Variants in F11R observed in about 807,000 individuals in gnomAD.
F11R encodes junctional adhesion molecule A.
F11R carries 27 observed loss-of-function variants against 39.3 expected under a neutral mutation model. The ratio of observed to expected loss-of-function variants is 0.69; its 90% CI spans 0.51 to 0.95. The LOEUF (loss-of-function observed/expected upper bound fraction) is 0.95. F11R is among the 40% of genes least tolerant of loss of function. The pLI, the probability that F11R is intolerant of heterozygous loss-of-function variation, is 0.00. For missense variants in F11R, 335 were observed against 372.7 expected (o/e 0.90, Z 0.83); for synonymous variants, 131 against 144.9 (o/e 0.90, Z 0.69).
Position 160,998,472 on chromosome 1 carries a change from A to C in F11R, c.*399T>G. ...TGGCCCTGGTCGTCAGTACACAAGGAAAGAGCCCAGAACCAAGCTCAAGAT... is the reference window on the plus strand; with the variant it reads ...TGGCCCTGGTCGTCAGTACACAAGGCAAGAGCCCAGAACCAAGCTCAAGAT... On this transcript the variant is annotated 3_prime_UTR_variant, in exon 10 of 10. Coordinates refer to ENST00000368026, the MANE Select transcript of F11R (RefSeq NM_016946.6). 3.2e-6 allele frequency: 1 copy of C among 312,744 alleles called. No homozygotes were observed. The highest frequency in any genetic ancestry group is 4.5e-5 in the South Asian group (1 of 22,178). The allele number at this position is 312,744 out of a possible 1,614,324, so 19.4% of individuals were successfully genotyped here. A position where few individuals can be genotyped will look rare whatever the true frequency, so the allele number is the denominator to read the frequency against.
chr1:161,015,403 A>ATATATATAT (rs1395106436), intron 1 of F11R, among the ~76,000 whole-genome samples: 4 of 132,996 alleles, frequency 3.0e-5, no homozygotes, highest in African/African-American at 1.2e-4. Context: ...ATCTCAAAAA[A>ATATATATAT]AAAAATATAT....
At position 161,009,713 on chromosome 1, in the gene F11R, A is replaced by G. The variant is rs1434746041; in HGVS notation, c.65-8360T>C. Among the ~76,000 whole-genome samples the G allele has an allele frequency of 3.7e-4, 56 of 152,102 alleles. No homozygotes were observed. In the East Asian group the frequency reaches 0.011, roughly 29 times the overall value. Reference sequence around the variant, plus strand: ...CCGGGTGCGGTGGCTCACGCCTATAATCCCAGCACTTTGGGAGGCCGATGT... The same window carrying G: ...CCGGGTGCGGTGGCTCACGCCTATAGTCCCAGCACTTTGGGAGGCCGATGT... On this transcript the variant is annotated intron_variant, in intron 1 of 9. Coordinates refer to ENST00000368026, the MANE Select transcript of F11R (RefSeq NM_016946.6).
intron 1 of F11R, among the ~76,000 whole-genome samples, chr1:161,012,600 T>TTTTTTTTA (rs1553211045): frequency 8.3e-5 from 12 of 144,174 alleles, no homozygotes; most frequent in African/African-American, 1.5e-4. Flanking sequence ...AATTAATTAA[T>TTTTTTTTA]TTTATTTATT....
At chr1:161,003,507 C>T (rs1341894245) in intron 1 of F11R, among the ~76,000 whole-genome samples, 2 of 152,114 alleles carry the variant, frequency 1.3e-5, no homozygotes, top group Admixed American at 6.5e-5. Flanking sequence ...AAGTGATCTG[C>T]CCGCTGCAGC....
At chr1:161,005,960 G>A (rs1414634289) in intron 1 of F11R, among the ~76,000 whole-genome samples, 2 of 151,940 alleles carry the variant, frequency 1.3e-5, no homozygotes, top group East Asian at 1.9e-4. Context: ...CCAATATGGC[G>A]AAACCCCATC....
intron 1 of F11R, among the ~76,000 whole-genome samples, chr1:161,017,970 A>G (rs1405552573): frequency 2.0e-5 from 3 of 152,122 alleles, no homozygotes; most frequent in African/African-American, 7.2e-5. Context: ...TACCACACTC[A>G]AGGAAGGGCA....
At chr1:161,000,509 C>T in intron 4 of F11R, 122 bp downstream of exon 4, 1 of 1,474,682 alleles carries the variant, frequency 6.8e-7, no homozygotes, top group Non-Finnish European at 9.3e-7. Flanking sequence ...TCTCTGGCAG[C>T]TCCAGGACTC....
chr1:161,013,334 T>C (rs1649274835), intron 1 of F11R, among the ~76,000 whole-genome samples: 1 of 152,296 alleles, frequency 6.6e-6, no homozygotes, highest in Non-Finnish European at 1.5e-5. Flanking sequence ...AGCTACAGCA[T>C]ACCCAGTTTA....
At position 161,021,034 on chromosome 1, in the gene F11R, G is replaced by C. The variant is rs762788359; in HGVS notation, c.40C>G (p.Leu14Val). The C allele has an allele frequency of 3.7e-6, 6 of 1,614,030 alleles. No homozygotes were observed. Among genetic ancestry groups the C allele is most frequent in the Non-Finnish European group, 5.1e-6 (6 of 1,179,908 alleles). The change falls in exon 1 of 10, where the codon CTC becomes GTC. Residue 14 changes from leucine (L) to valine (V), a missense_variant. Coordinates refer to ENST00000368026, the MANE Select transcript of F11R (RefSeq NM_016946.6). Reference protein sequence around the residue: ...KAQVERKLLCLFILAILLCSL... With the variant: ...KAQVERKLLCVFILAILLCSL... ...CACAACAGGATCGCCAATATGAAGA[G>C]GCACAACAGTTTCCTCTCGACTTGC...
At chr1:161,015,127 T>C (rs1649382623) in intron 1 of F11R, among the ~76,000 whole-genome samples, 2 of 145,272 alleles carry the variant, frequency 1.4e-5, no homozygotes, top group African/African-American at 5.1e-5. Flanking sequence ...CTGGGCACAG[T>C]GGCTCATGCC....
intron 1 of F11R, 126 bp downstream of exon 1, chr1:161,020,884 T>C: frequency 5.9e-6 from 5 of 844,306 alleles, no homozygotes; most frequent in Non-Finnish European, 1.0e-5. Flanking sequence ...GTGGAAAAGA[T>C]AATTCGCAGA....
At chr1:161,020,725 T>C (rs1229366845) in intron 1 of F11R, among the ~76,000 whole-genome samples, 1 of 152,034 alleles carries the variant, frequency 6.6e-6, no homozygotes, top group Non-Finnish European at 1.5e-5. Flanking sequence ...CCCTCTCCAG[T>C]GAGGACGAGG....
At chr1:161,015,606 G>A (rs1571022256) in intron 1 of F11R, among the ~76,000 whole-genome samples, 2 of 144,292 alleles carry the variant, frequency 1.4e-5, no homozygotes, top group Admixed American at 7.0e-5. Flanking sequence ...AAAAAAAAAA[G>A]GCTGCAGTGA....
Position 161,001,042 on chromosome 1 carries a change from A to G in F11R, c.219T>C (p.Val73=), listed in dbSNP as rs375890590. 3.5e-5 allele frequency: 56 copies of G among 1,614,156 alleles called. No individual in the cohort carries two copies. Among genetic ancestry groups the G allele is most frequent in the Non-Finnish European group, 4.6e-5 (54 of 1,180,000 alleles). Residue 73 remains valine, a synonymous_variant, in exon 3 of 10, where the codon GTT becomes GTC. Transcript: ENST00000368026. ...KFDQGDTTRL[V]CYNNKITASY... ...CACCTGTGATCTTGTTATTATAGCA[A>G]ACGAGTCTGGTGGTGTCTCCTTGGT...
rs913726193 is a variant in F11R at position 160,998,415 on chromosome 1, G to A, written c.*456C>T. 2 of 202,786 alleles carry A rather than the reference G, an allele frequency of 9.9e-6. No homozygotes were observed. Among genetic ancestry groups the A allele is most frequent in the Non-Finnish European group, 2.0e-5 (2 of 99,332 alleles). The allele number at this position is 202,786 out of a possible 1,614,324, so 12.6% of individuals were successfully genotyped here. A position where few individuals can be genotyped will look rare whatever the true frequency, so the allele number is the denominator to read the frequency against. On this transcript the variant is annotated 3_prime_UTR_variant, in exon 10 of 10. Transcript: ENST00000368026. ...TCATCACCAAACAACCATTTCAGCC[G>A]CTCTAGCCTCTAATTCCCGCTCTAG...
intron 1 of F11R, among the ~76,000 whole-genome samples, chr1:161,020,391 C>G (rs1649693344): frequency 6.6e-6 from 1 of 152,220 alleles, no homozygotes; most frequent in Non-Finnish European, 1.5e-5. Flanking sequence ...TCGCTGGAAC[C>G]TCTGCTGCGC....
rs142587762 is a variant in F11R at position 161,001,191 on chromosome 1, G to GA, written c.134-65_134-64insT. 2,348 of 1,591,762 alleles carry GA rather than the reference G, an allele frequency of 1.5e-3. 37 individuals are homozygous for GA. The African/African-American group carries it at 0.028, about 19-fold the overall frequency. On this transcript the variant is annotated intron_variant, in intron 2 of 9. Coordinates refer to ENST00000368026, the MANE Select transcript of F11R (RefSeq NM_016946.6). ...CAGCAAATACACGAGATGGGGAACAGCCCCAAACTGCAGGCTGGGCTGGGT... is the reference window on the plus strand; with the variant it reads ...CAGCAAATACACGAGATGGGGAACAGACCCCAAACTGCAGGCTGGGCTGGGT...
At chr1:161,020,145 C>T (rs138572839) in intron 1 of F11R, among the ~76,000 whole-genome samples, 14 of 152,282 alleles carry the variant, frequency 9.2e-5, no homozygotes, top group African/African-American at 3.1e-4. Flanking sequence ...AAACGCTCAG[C>T]CCCACACAAA....
chr1:161,020,012 G>A (rs1050661937), intron 1 of F11R, among the ~76,000 whole-genome samples: 2 of 152,100 alleles, frequency 1.3e-5, no homozygotes, highest in Non-Finnish European at 2.9e-5. Flanking sequence ...AACCTTGGGG[G>A]TGGGGGGAGA....
Sources: allele counts gnomAD v4.1 joint callset (sites outside exome capture counted in the v4.1 genomes callset), GRCh38; gene constraint gnomAD v4.1.1; transcripts MANE v1.5; gene names NCBI Gene and HGNC (gene_info 2026-07-23, HGNC 2026-07-21).